Variants in SMIM27 observed in about 807,000 individuals in gnomAD.
SMIM27 encodes the protein transition zone microprotein 1, also known as TOPORS antisense RNA 1 (non-protein coding).
Under a neutral mutation model 1.8 loss-of-function variants are expected in SMIM27, and 3 were observed. The observed-to-expected ratio is 1.65, with a 90% CI of 0.75 to 4.28. The LOEUF is 4.28. SMIM27 is among the 30% of genes most tolerant of loss of function. The pLI is 0.02. For missense variants in SMIM27, 63 were observed against 37.0 expected (o/e 1.70, Z -1.83); for synonymous variants, 19 against 13.9 (o/e 1.37, Z -0.82).
At chr9:32,559,410 A>G (rs930430143) in intron 1 of SMIM27, among the ~76,000 whole-genome samples, 3 of 152,166 alleles carry the variant, frequency 2.0e-5, no homozygotes, top group Non-Finnish European at 4.4e-5. Context: ...TGAAAAGTCT[A>G]TTCTCCACAC....
intron 1 of SMIM27, chr9:32,566,214 G>C (rs1234740750): frequency 1.2e-5 from 10 of 828,944 alleles, no homozygotes; most frequent in Non-Finnish European, 6.3e-6. Context: ...TTCTGTTCAG[G>C]TCATAGCTGG....
rs1219261689 is a variant in SMIM27, at chr9:32,552,368, G to T, written c.-67G>T. The T allele has an allele frequency of 5.0e-6, 8 of 1,592,242 alleles. No individual in the cohort carries two copies. The highest frequency in any genetic ancestry group is 6.8e-6 in the Non-Finnish European group (8 of 1,169,138). ...TGGCTGCTGGCGCCTGGCAGCCACC[G>T]CCTGGGAGGTTACTGTAAGGCCCGC... On this transcript the variant is annotated 5_prime_UTR_variant, in exon 1 of 2. Coordinates refer to ENST00000692500, the MANE Select transcript of SMIM27 (RefSeq NM_001387564.1).
intron 1 of SMIM27, among the ~76,000 whole-genome samples, chr9:32,560,354 C>A (rs1821591640): frequency 6.6e-6 from 1 of 152,178 alleles, no homozygotes; most frequent in African/African-American, 2.4e-5. Context: ...AACCTAGTGA[C>A]TGCAGTTTGT....
At chr9:32,555,971 G>C (rs576799131), downstream of SMIM27, among the ~76,000 whole-genome samples, 3 of 152,234 alleles carry the variant, frequency 2.0e-5, no homozygotes, top group African/African-American at 7.2e-5. Context: ...AATGGGTGTG[G>C]TTGGGGGACA....
intron 1 of SMIM27, chr9:32,565,284 CCT>C (rs1222690347): frequency 1.3e-5 from 2 of 149,078 alleles, no homozygotes; most frequent in Non-Finnish European, 3.0e-5. Context: ...ACAGTGAGAC[CCT>C]GTCTCAAAAA....
At chr9:32,553,650 A>C (rs1026391885), downstream of SMIM27, 2 of 497,032 alleles carry the variant, frequency 4.0e-6, no homozygotes, top group African/African-American at 3.9e-5. Context: ...CCGTTTTCCA[A>C]GTCAAGAATG....
upstream of SMIM27, chr9:32,551,159 C>G: frequency 1.5e-6 from 1 of 688,230 alleles, no homozygotes; most frequent in Non-Finnish European, 2.5e-6. Flanking sequence ...CGCTCCAGAC[C>G]CCGGAGGAGG....
downstream of SMIM27, chr9:32,553,548 G>C: frequency 4.5e-6 from 1 of 222,832 alleles, no homozygotes; most frequent in Non-Finnish European, 8.9e-6. Context: ...TGTTTATTGT[G>C]ATATTTCACT....
chr9:32,552,865 G>A lies in SMIM27; in HGVS notation c.110G>A (p.Arg37Lys). ...CIIYASMVSA[R>K]RQLRKKYPDK... ...ATCTATGCTTCGATGGTGTCTGCAA[G>A]ACGACAGCTAAGGAAGAAATACCCA... Residue 37 changes from arginine to lysine, a missense_variant, in exon 2 of 2, where the codon AGA becomes AAA. Physicochemically the swap from Arg to Lys is conservative, Grantham distance 26. Transcript: ENST00000692500. The A allele has an allele frequency of 1.4e-6, 1 of 702,762 alleles. No individual in the cohort carries two copies. The highest frequency in any genetic ancestry group is 2.6e-6 in the Non-Finnish European group (1 of 384,838). The allele number at this position is 702,762 out of a possible 1,614,324, so 43.5% of individuals were successfully genotyped here. A position where few individuals can be genotyped will look rare whatever the true frequency, so the allele number is the denominator to read the frequency against.
chr9:32,551,227 A>T (rs970731750), upstream of SMIM27: 18 of 591,984 alleles, frequency 3.0e-5, 1 homozygote, highest in African/African-American at 2.4e-4. Context: ...CACTGACTGA[A>T]TGTTCGCCCC....
At chr9:32,552,146 G>A, upstream of SMIM27, 1 of 580,880 alleles carries the variant, frequency 1.7e-6, no homozygotes, top group South Asian at 2.1e-5. Flanking sequence ...AAGAAAACCA[G>A]TGGAGGTACG....
At chr9:32,562,496 A>G (rs1821654281) in intron 1 of SMIM27, among the ~76,000 whole-genome samples, 1 of 152,242 alleles carries the variant, frequency 6.6e-6, no homozygotes, top group Non-Finnish European at 1.5e-5. Context: ...GGCTAACAGA[A>G]AGCCAACATT....
chr9:32,555,313 A>G (rs1333459648), downstream of SMIM27, among the ~76,000 whole-genome samples: 1 of 152,358 alleles, frequency 6.6e-6, no homozygotes, highest in African/African-American at 2.4e-5. Flanking sequence ...TTCCTAAACA[A>G]TAAGTTAACA....
intron 1 of SMIM27, among the ~76,000 whole-genome samples, chr9:32,560,240 C>T (rs577009488): frequency 6.6e-6 from 1 of 152,290 alleles, no homozygotes; most frequent in African/African-American, 2.4e-5. Flanking sequence ...GGGACCTCTA[C>T]TGACACAAAA....
At chr9:32,557,513 C>T (rs553189937), downstream of SMIM27, among the ~76,000 whole-genome samples, 1 of 150,008 alleles carries the variant, frequency 6.7e-6, no homozygotes, top group African/African-American at 2.5e-5. Flanking sequence ...TGGAGTTTCA[C>T]TCATTTCTGA....
intron 1 of SMIM27, among the ~76,000 whole-genome samples, chr9:32,558,690 T>C (rs1179273778): frequency 6.6e-6 from 1 of 152,172 alleles, no homozygotes; most frequent in Non-Finnish European, 1.5e-5. Flanking sequence ...AGGTTGAAAA[T>C]AAATGTGCTC....
At chr9:32,557,148 G>A (rs1213588648), downstream of SMIM27, among the ~76,000 whole-genome samples, 5 of 143,084 alleles carry the variant, frequency 3.5e-5, no homozygotes, top group African/African-American at 7.8e-5. Flanking sequence ...GTTAGCCACC[G>A]CGCCTGGCCC....
rs999941980 is a variant in SMIM27, at chr9:32,563,038, C to A, written c.46-3353C>A. Among the ~76,000 whole-genome samples the A allele has an allele frequency of 4.6e-5, 7 of 152,306 alleles. No homozygotes were observed. In the East Asian group the frequency reaches 7.7e-4, roughly 17 times the overall value. ...GTATAATGCCAATAATGAGGGAGAA[C>A]AGCCCCTCAGTTTGGGTTTATCTTC... is the stretch of plus-strand genomic sequence containing the variant. On this transcript the variant is annotated intron_variant, in intron 1 of 1. Coordinates refer to the SMIM27 transcript ENST00000451672.
chr9:32,557,698 C>T (rs547976162), downstream of SMIM27, among the ~76,000 whole-genome samples: 15 of 151,994 alleles, frequency 9.9e-5, 1 homozygote, highest in South Asian at 4.2e-4. Context: ...AGGCTGGTCT[C>T]GAAGTTCTGA....
Sources: allele counts gnomAD v4.1 joint callset (sites outside exome capture counted in the v4.1 genomes callset), GRCh38; gene constraint gnomAD v4.1.1; transcripts MANE v1.5; gene names NCBI Gene and HGNC (gene_info 2026-07-23, HGNC 2026-07-21).